Variants in DAZAP1 observed in about 807,000 individuals in gnomAD.
DAZAP1 encodes the protein DAZ-associated protein 1.
DAZAP1 carries 6 observed loss-of-function variants against 60.1 expected under a neutral mutation model. That is an observed-to-expected ratio of 0.10 (90% CI 0.05 to 0.20). The LOEUF (loss-of-function observed/expected upper bound fraction) is 0.20, where lower values mean the gene tolerates loss of function less well. DAZAP1 is among the 10% of genes least tolerant of loss of function. DAZAP1 has a pLI of 1.00. For synonymous variants in DAZAP1, 235 were observed against 215.9 expected (o/e 1.09, Z -0.78); for missense variants, 366 against 560.4 (o/e 0.65, Z 3.50).
chr19:1,430,454 C>T (rs2083418980), intron 10 of DAZAP1, 92 bp downstream of exon 10: 2 of 1,226,116 alleles, frequency 1.6e-6, no homozygotes, highest in Non-Finnish European at 2.2e-6. Context: ...TGTTACACGT[C>T]TGGCCTCAGC....
intron 4 of DAZAP1, among the ~76,000 whole-genome samples, chr19:1,419,979 G>A (rs867574326): frequency 1.6e-4 from 13 of 81,948 alleles, no homozygotes; most frequent in African/African-American, 5.1e-4. Context: ...CAGTCACGGC[G>A]GCGAGCACTC....
chr19:1,416,246 G>A lies in DAZAP1; in HGVS notation c.30-1254G>A, dbSNP rs1229342226. The A allele has an allele frequency of 6.6e-6, 1 of 152,236 alleles. No homozygotes were observed. The highest frequency in any genetic ancestry group is 1.5e-5 in the Non-Finnish European group (1 of 68,064). The allele number at this position is 152,236 out of a possible 1,614,324, so 9.4% of individuals were successfully genotyped here. ...CGTTTTTGCTGAAAGCCGAAGCCAAGGGTGGTGTGGTTGGCCGTCAGGGAT... is the reference window on the plus strand; with the variant it reads ...CGTTTTTGCTGAAAGCCGAAGCCAAAGGTGGTGTGGTTGGCCGTCAGGGAT... On this transcript the variant is annotated intron_variant, in intron 1 of 11. Transcript: ENST00000233078. The surrounding 1 kb of genome is among the most constrained non-coding windows in gnomAD (Gnocchi z 4.3).
intron 9 of DAZAP1, 79 bp from the exon 10 acceptor site, chr19:1,430,142 CT>C: frequency 6.6e-7 from 1 of 1,519,758 alleles, no homozygotes. Flanking sequence ...GCTAGGGCCC[CT>C]GGCAGGCCTG....
At position 1,435,683 on chromosome 19, in the gene DAZAP1, A is replaced by C. The variant is rs1318289727; in HGVS notation, c.*771A>C. On this transcript the variant is annotated 3_prime_UTR_variant, in exon 12 of 12. Coordinates refer to ENST00000233078, the MANE Select transcript of DAZAP1 (RefSeq NM_018959.4). The stretch of plus-strand genomic sequence containing the variant: ...TAAAGAGAAGTGCGTTTGGATTAGA[A>C]ACCACTTTGTGTCCGTTTTTTCCCT... The C allele has an allele frequency of 6.6e-6, 1 of 152,224 alleles. No homozygotes were observed. The highest frequency in any genetic ancestry group is 1.9e-4 in the East Asian group (1 of 5,190). The allele number at this position is 152,224 out of a possible 1,614,324, so 9.4% of individuals were successfully genotyped here. A position where few individuals can be genotyped will look rare whatever the true frequency, so the allele number is the denominator to read the frequency against.
chr19:1,418,394 C>T lies in DAZAP1; in HGVS notation c.237+24C>T, dbSNP rs1250755159. ...ACGTAAGTGCCCTTCCGGGAGCTCACACCCGCTCTCTGTCTCCCCTGTCCT... is the reference window on the plus strand; with the variant it reads ...ACGTAAGTGCCCTTCCGGGAGCTCATACCCGCTCTCTGTCTCCCCTGTCCT... On this transcript the variant is annotated intron_variant, in intron 3 of 11. Transcript: ENST00000233078. The surrounding 1 kb of genome is among the most constrained non-coding windows in gnomAD (Gnocchi z 5.7). 2 of 1,607,192 alleles carry T rather than the reference C, an allele frequency of 1.2e-6. No homozygotes were observed. The highest frequency in any genetic ancestry group is 1.7e-5 in the Admixed American group (1 of 59,912).
In DAZAP1 at chr19:1,418,241, C is replaced by A; in HGVS notation, c.108C>A (p.Val36=). ...GCTACTTTTCCCAATATGGAGAAGT[C>A]GTAGATTGTGTTATCATGAAAGATA... ...LRSYFSQYGE[V]VDCVIMKDKT... The change falls in exon 3 of 12, where the codon GTC becomes GTA. Residue 36 remains valine, a synonymous_variant. Transcript: ENST00000233078. The surrounding 1 kb of genome is among the most constrained non-coding windows in gnomAD (Gnocchi z 5.7). The A allele has an allele frequency of 6.2e-7, 1 of 1,614,168 alleles. No homozygotes were observed. Among genetic ancestry groups the A allele is most frequent in the Non-Finnish European group, 8.5e-7 (1 of 1,180,034 alleles).
intron 1 of DAZAP1, among the ~76,000 whole-genome samples, chr19:1,412,434 G>A (rs963119310): frequency 5.3e-5 from 8 of 152,250 alleles, no homozygotes; most frequent in East Asian, 1.9e-4. Flanking sequence ...GATTGTGCAC[G>A]GAGCTGAGTG....
In DAZAP1 at chr19:1,410,391, G is replaced by T. The variant is rs79863028; in HGVS notation, c.29+2589G>T. Among the ~76,000 whole-genome samples the T allele has an allele frequency of 1.9e-3, 291 of 152,284 alleles. 2 individuals are homozygous for T. Among genetic ancestry groups the T allele is most frequent in the African/African-American group, 6.4e-3 (268 of 41,572 alleles). ...GACAGTGTCCTCCTTTGGGAGCGGG[G>T]CCTGTCCTGGTCCTCTTGTGAAGGG... On this transcript the variant is annotated intron_variant, in intron 1 of 11. Coordinates refer to ENST00000233078, the MANE Select transcript of DAZAP1 (RefSeq NM_018959.4).
rs1181229035 is a variant in DAZAP1 at position 1,432,361 on chromosome 19, C to T, written c.872-153C>T. On this transcript the variant is annotated intron_variant, in intron 10 of 11. Coordinates refer to ENST00000233078, the MANE Select transcript of DAZAP1 (RefSeq NM_018959.4). The surrounding 1 kb of genome is among the most constrained non-coding windows in gnomAD (Gnocchi z 4.9). ...CGGCCCGGGACCGTGGCTCTGTGGT[C>T]CATTCTGTGGATGTCCACAAGGCCT... 2.3e-5 allele frequency: 18 copies of T among 776,248 alleles called. No individual in the cohort carries two copies. The South Asian group carries it at 2.7e-4, about 11-fold the overall frequency. The allele number at this position is 776,248 out of a possible 1,614,324, so 48.1% of individuals were successfully genotyped here.
rs956684211 is a variant in DAZAP1 at position 1,433,135 on chromosome 19, T to G, written c.1048+445T>G. ...AGCTGGGTCTGTAGTAGGCGTGGCC[T>G]GGACGTGGGCTTCACCCTGGACTGG... On this transcript the variant is annotated intron_variant, in intron 11 of 11. Transcript: ENST00000233078. The surrounding 1 kb of genome is among the most constrained non-coding windows in gnomAD (Gnocchi z 6.1). 1 of 189,214 alleles carries G rather than the reference T, an allele frequency of 5.3e-6. No homozygotes were observed. The highest frequency in any genetic ancestry group is 1.1e-5 in the Non-Finnish European group (1 of 91,050). The allele number at this position is 189,214 out of a possible 1,614,324, so 11.7% of individuals were successfully genotyped here. A position where few individuals can be genotyped will look rare whatever the true frequency, so the allele number is the denominator to read the frequency against.
At position 1,407,757 on chromosome 19, in the gene DAZAP1, T is replaced by C; in HGVS notation, c.-17T>C. The C allele has an allele frequency of 3.7e-6, 4 of 1,080,456 alleles. No individual in the cohort carries two copies. Among genetic ancestry groups the C allele is most frequent in the South Asian group, 8.4e-5 (2 of 23,948 alleles). 66.9% of individuals were successfully genotyped at this position (1,080,456 alleles called of 1,614,324 possible). On this transcript the variant is annotated 5_prime_UTR_variant, in exon 1 of 12. Transcript: ENST00000233078. ...CGAGGAGGCCCGGGAGCGCCGAGCG[T>C]CGCCGCCGCCGCCGCCATGAACAAC... is the stretch of plus-strand genomic sequence containing the variant.
rs1274847482 is a variant in DAZAP1, at chr19:1,433,807, C to T, written c.1049-930C>T. 3.1e-5 allele frequency: 50 copies of T among 1,613,966 alleles called. No individual in the cohort carries two copies. Among genetic ancestry groups the T allele is most frequent in the Non-Finnish European group, 3.8e-5 (45 of 1,179,888 alleles). On this transcript the variant is annotated intron_variant, in intron 11 of 11. Transcript: ENST00000233078. This position sits in a 1 kb window ranked among gnomAD's most constrained non-coding sequence, Gnocchi z 6.1. ...CTTTGTTTACAGTCTTATGGTCAGG[C>T]TGAGCAGTGATGTGGCCTAGGTAGG...
intron 1 of DAZAP1, among the ~76,000 whole-genome samples, chr19:1,411,755 C>T (rs1348502338): frequency 6.6e-6 from 1 of 152,228 alleles, no homozygotes; most frequent in African/African-American, 2.4e-5. Flanking sequence ...CCCGGGGTCA[C>T]CCCAGGGGGT....
In DAZAP1 at chr19:1,418,553, CG is replaced by C. The variant is rs2083054886; in HGVS notation, c.238-111del. ...CAGGAGGATACAGGGTGAATGGAGC[CG>C]GCGGGGCGGGGCGGGCCGGGCTGCT... On this transcript the variant is annotated intron_variant, in intron 3 of 11. Transcript: ENST00000233078. This position sits in a 1 kb window ranked among gnomAD's most constrained non-coding sequence, Gnocchi z 5.7. The C allele has an allele frequency of 6.8e-7, 1 of 1,477,570 alleles. No individual in the cohort carries two copies. Among genetic ancestry groups the C allele is most frequent in the African/African-American group, 1.4e-5 (1 of 72,184 alleles). 91.5% of individuals were successfully genotyped at this position (1,477,570 alleles called of 1,614,324 possible). A position where few individuals can be genotyped will look rare whatever the true frequency, so the allele number is the denominator to read the frequency against.
chr19:1,429,235 A>G (rs1011045879), intron 8 of DAZAP1, among the ~76,000 whole-genome samples: 1 of 152,190 alleles, frequency 6.6e-6, no homozygotes, highest in Non-Finnish European at 1.5e-5. Flanking sequence ...CCTGGGACTC[A>G]TTGTCACCGG....
At position 1,423,118 on chromosome 19, in the gene DAZAP1, C is replaced by T. The variant is rs183408060; in HGVS notation, c.463+722C>T. ...AGCAGACCTGCAGCCTGGGTCTGCC[C>T]GCCACGTCCGTGCCGCCCCCGCACC... On this transcript the variant is annotated intron_variant, in intron 6 of 11. Coordinates refer to ENST00000233078, the MANE Select transcript of DAZAP1 (RefSeq NM_018959.4). This position sits in a 1 kb window ranked among gnomAD's most constrained non-coding sequence, Gnocchi z 6.8. Among the ~76,000 whole-genome samples, 120 of 151,888 alleles carry T rather than the reference C, an allele frequency of 7.9e-4. No homozygotes were observed. The highest frequency in any genetic ancestry group is 3.4e-3 in the Middle Eastern group (1 of 292).
chr19:1,410,694 A>C (rs957974295), intron 1 of DAZAP1, among the ~76,000 whole-genome samples: 1 of 152,216 alleles, frequency 6.6e-6, no homozygotes, highest in African/African-American at 2.4e-5. Flanking sequence ...TGCCTGGCCT[A>C]CTGGGGAGAG....
rs2083206476 is a variant in DAZAP1, at chr19:1,423,087, C to A, written c.463+691C>A. ...GGTTCATCAGCTGCTTTTGGCCGGC[C>A]ACGTGAGCAGACCTGCAGCCTGGGT... On this transcript the variant is annotated intron_variant, in intron 6 of 11. Transcript: ENST00000233078. This position sits in a 1 kb window ranked among gnomAD's most constrained non-coding sequence, Gnocchi z 6.8. 6.6e-6 allele frequency among the ~76,000 whole-genome samples: 1 copy of A among 150,848 alleles called. No individual in the cohort carries two copies. Among genetic ancestry groups the A allele is most frequent in the South Asian group, 2.1e-4 (1 of 4,710 alleles).
chr19:1,418,536 T>C lies in DAZAP1; in HGVS notation c.238-130T>C. 3 of 1,444,778 alleles carry C rather than the reference T, an allele frequency of 2.1e-6. No individual in the cohort carries two copies. The highest frequency in any genetic ancestry group is 2.3e-5 in the South Asian group (2 of 85,544). The allele number at this position is 1,444,778 out of a possible 1,614,324, so 89.5% of individuals were successfully genotyped here. A position where few individuals can be genotyped will look rare whatever the true frequency, so the allele number is the denominator to read the frequency against. ...GCTGAGGCTGGATATTGCAGGAGGA[T>C]ACAGGGTGAATGGAGCCGGCGGGGC... On this transcript the variant is annotated intron_variant, in intron 3 of 11. Transcript: ENST00000233078. This position sits in a 1 kb window ranked among gnomAD's most constrained non-coding sequence, Gnocchi z 5.7.
Sources: allele counts gnomAD v4.1 joint callset (sites outside exome capture counted in the v4.1 genomes callset), GRCh38; gene constraint gnomAD v4.1.1; non-coding constraint Gnocchi (gnomAD v3.1); transcripts MANE v1.5; gene names NCBI Gene and HGNC (gene_info 2026-07-23, HGNC 2026-07-21).